Variants in LRBA observed in about 807,000 individuals in gnomAD.
The protein encoded by LRBA is LPS responsive beige-like anchor protein.
In LRBA, 176 loss-of-function variants were observed where a neutral mutation model predicts 330.0. The ratio of observed to expected loss-of-function variants is 0.53; its 90% CI spans 0.47 to 0.60. LRBA has a LOEUF of 0.60. Ranked by LOEUF, LRBA falls within the 20% of genes least tolerant of loss-of-function variation. The pLI, the probability that LRBA is intolerant of heterozygous loss-of-function variation, is 0.00. For missense variants in LRBA, 3,259 were observed against 3,444.8 expected, an observed-to-expected ratio of 0.95 and a Z score of 1.35; for synonymous variants, 1,230 against 1,193.0, an observed-to-expected ratio of 1.03 and a Z score of -0.64.
At chr4:150,561,910 T>C (rs988399289) in intron 40 of LRBA, among the ~76,000 whole-genome samples, 3 of 152,262 alleles carry the variant, frequency 2.0e-5, no homozygotes, top group Non-Finnish European at 1.5e-5. Context: ...CAAGCATATA[T>C]AGATTCCCAC....
chr4:150,366,137 A>C (rs906643381), intron 47 of LRBA, among the ~76,000 whole-genome samples: 7 of 152,178 alleles, frequency 4.6e-5, no homozygotes, highest in African/African-American at 1.7e-4. Context: ...TTAAAATACT[A>C]TAACTGATAA....
Position 150,592,073 on chromosome 4 carries a change from G to A in LRBA, c.6047-1214C>T, listed in dbSNP as rs186480283. On this transcript the variant is annotated intron_variant, in intron 38 of 56. Coordinates refer to ENST00000651943, the MANE Select transcript of LRBA (RefSeq NM_001364905.1). Reference sequence around the variant, plus strand: ...ACCTGACCCTCCTGGCTTCCAGCTAGATAAATCCCAGAGGTAAAGCACCTG... The same window carrying A: ...ACCTGACCCTCCTGGCTTCCAGCTAAATAAATCCCAGAGGTAAAGCACCTG... Among the ~76,000 whole-genome samples, 261 of 146,412 alleles carry A rather than the reference G, an allele frequency of 1.8e-3. 1 individual carries two copies. Among genetic ancestry groups the A allele is most frequent in the African/African-American group, 6.0e-3 (241 of 40,060 alleles).
chr4:150,555,756 A>AACAC (rs34497958), intron 40 of LRBA, among the ~76,000 whole-genome samples: 3,304 of 144,660 alleles, frequency 0.023, 43 homozygotes, highest in South Asian at 0.033. Flanking sequence ...GTCTTATAAA[A>AACAC]ACACACACAC....
chr4:150,986,826 A>C (rs1290686796), intron 2 of LRBA, among the ~76,000 whole-genome samples: 1 of 152,234 alleles, frequency 6.6e-6, no homozygotes, highest in East Asian at 1.9e-4. Context: ...CAACAGCCCA[A>C]GGGGCAAGGA....
intron 36 of LRBA, among the ~76,000 whole-genome samples, chr4:150,703,840 A>C (rs970591506): frequency 1.3e-5 from 2 of 152,086 alleles, no homozygotes; most frequent in Middle Eastern, 3.4e-3. Flanking sequence ...AGATTCTCAA[A>C]GAGTCCATTA....
chr4:150,736,033 G>A (rs1286023970), intron 35 of LRBA, among the ~76,000 whole-genome samples: 1 of 152,128 alleles, frequency 6.6e-6, no homozygotes, highest in Non-Finnish European at 1.5e-5. Context: ...CAATGCAGGA[G>A]GGCCATGGCA....
intron 36 of LRBA, among the ~76,000 whole-genome samples, chr4:150,686,754 C>T (rs1783658665): frequency 6.6e-6 from 1 of 152,052 alleles, no homozygotes; most frequent in Non-Finnish European, 1.5e-5. Context: ...CACCACATAC[C>T]TTCATATTAA....
chr4:150,808,103 A>T (rs1316489185), intron 32 of LRBA, among the ~76,000 whole-genome samples: 1 of 151,886 alleles, frequency 6.6e-6, no homozygotes, highest in Non-Finnish European at 1.5e-5. Flanking sequence ...TGACTTGTAC[A>T]TCATGAAATG....
chr4:151,012,256 T>C (rs1744945432), intron 2 of LRBA, among the ~76,000 whole-genome samples: 1 of 152,192 alleles, frequency 6.6e-6, no homozygotes, highest in African/African-American at 2.4e-5. Context: ...AGGAAGCGTA[T>C]AAGCAAATGC....
At chr4:150,399,848 C>T (rs111648783) in intron 47 of LRBA, among the ~76,000 whole-genome samples, 3 of 152,016 alleles carry the variant, frequency 2.0e-5, no homozygotes, top group Admixed American at 2.0e-4. Context: ...GGTAGTGTGG[C>T]GCCTGTAATG....
At chr4:150,721,113 T>TA (rs1728872021) in intron 36 of LRBA, 2 of 594,506 alleles carry the variant, frequency 3.4e-6, no homozygotes. Context: ...GTTACACACA[T>TA]GGGGAGATAC....
intron 32 of LRBA, 125 bp downstream of exon 32, chr4:150,808,195 A>C (rs144166286): frequency 6.3e-6 from 4 of 634,376 alleles, no homozygotes; most frequent in Admixed American, 3.0e-5. Flanking sequence ...AAGCCTCTAA[A>C]TGTCATATAT....
Position 150,848,996 on chromosome 4 carries a change from A to G in LRBA, c.4161T>C (p.His1387=), listed in dbSNP as rs919314161. Residue 1387 remains histidine (H), a splice_region_variant and synonymous_variant, in exon 26 of 57, where the codon CAT becomes CAC. Coordinates refer to ENST00000651943, the MANE Select transcript of LRBA (RefSeq NM_001364905.1). ...GAGTAGGTTCAATATTTTCCAGTTC[A>G]TGCTGTAAAGAATAAAGTTTGACAT... ...PLLSAATSAT[H]ELENIEPTQG... 1.3e-6 allele frequency: 2 copies of G among 1,579,722 alleles called. No individual in the cohort carries two copies. Among genetic ancestry groups the G allele is most frequent in the Non-Finnish European group, 1.7e-6 (2 of 1,167,494 alleles).
chr4:150,484,449 T>C (rs960980590), intron 42 of LRBA, among the ~76,000 whole-genome samples: 1 of 151,904 alleles, frequency 6.6e-6, no homozygotes, highest in African/African-American at 2.4e-5. Context: ...ATAAATTTGT[T>C]CATAATATTT....
At chr4:150,660,608 C>T (rs1163135217) in intron 37 of LRBA, among the ~76,000 whole-genome samples, 3 of 144,356 alleles carry the variant, frequency 2.1e-5, no homozygotes, top group East Asian at 4.5e-4. Context: ...ATGACAATGG[C>T]GGCCTTGTGG....
chr4:150,439,149 A>G (rs1287751812), intron 44 of LRBA, among the ~76,000 whole-genome samples: 2 of 152,216 alleles, frequency 1.3e-5, no homozygotes, highest in African/African-American at 4.8e-5. Flanking sequence ...AATCACTAGA[A>G]GACAAATTAT....
chr4:150,555,756 A>ACACACACACACAC (rs1767227376), intron 40 of LRBA, among the ~76,000 whole-genome samples: 2 of 144,700 alleles, frequency 1.4e-5, no homozygotes, highest in South Asian at 4.5e-4. Context: ...GTCTTATAAA[A>ACACACACACACAC]ACACACACAC....
intron 36 of LRBA, among the ~76,000 whole-genome samples, chr4:150,684,251 G>A (rs770505006): frequency 1.3e-5 from 2 of 152,184 alleles, no homozygotes; most frequent in Non-Finnish European, 2.9e-5. Context: ...CAAGAGAAGT[G>A]AAGTTGGCAG....
intron 2 of LRBA, among the ~76,000 whole-genome samples, chr4:150,930,144 A>T (rs553384025): frequency 1.3e-5 from 2 of 152,132 alleles, no homozygotes; most frequent in East Asian, 3.9e-4. Flanking sequence ...GTGAAACCCC[A>T]TCTCTACTAA....
Sources: allele counts gnomAD v4.1 joint callset (sites outside exome capture counted in the v4.1 genomes callset), GRCh38; gene constraint gnomAD v4.1.1; transcripts MANE v1.5; gene names NCBI Gene and HGNC (gene_info 2026-07-23, HGNC 2026-07-21).